The following MPPED1 variants were observed in gnomAD, a reference collection of about 807,000 sequenced individuals.
MPPED1 encodes the protein metallophosphoesterase domain-containing protein 1.
MPPED1 carries 16 observed loss-of-function variants against 36.2 expected under a neutral mutation model. The ratio of observed to expected loss-of-function variants is 0.44; its 90% CI spans 0.30 to 0.67. The LOEUF is 0.67. MPPED1 is among the 30% of genes least tolerant of loss of function. The pLI, the probability that MPPED1 is intolerant of heterozygous loss-of-function variation, is 0.10. For synonymous variants in MPPED1, 199 were observed against 191.3 expected (o/e 1.04, Z -0.33); for missense variants, 307 against 453.4 (o/e 0.68, Z 2.93).
chr22:43,468,978 C>T (rs987648434), intron 3 of MPPED1, among the ~76,000 whole-genome samples: 1 of 152,210 alleles, frequency 6.6e-6, no homozygotes, highest in African/African-American at 2.4e-5. Flanking sequence ...TGCTGTCCAC[C>T]GTGCCCAGCC....
chr22:43,460,231 A>G (rs1391152410), intron 3 of MPPED1, among the ~76,000 whole-genome samples: 1 of 118,736 alleles, frequency 8.4e-6, no homozygotes, highest in Non-Finnish European at 1.8e-5. Flanking sequence ...AAACAAAAAC[A>G]AAAACAAAAA....
At chr22:43,426,145 C>T (rs1215288854) in intron 2 of MPPED1, among the ~76,000 whole-genome samples, 2 of 152,210 alleles carry the variant, frequency 1.3e-5, no homozygotes, top group African/African-American at 2.4e-5. Flanking sequence ...AGGTGCCCCA[C>T]CCTGCTGGCA....
At chr22:43,479,667 T>C (rs1931688772) in intron 4 of MPPED1, among the ~76,000 whole-genome samples, 1 of 152,182 alleles carries the variant, frequency 6.6e-6, no homozygotes, top group African/African-American at 2.4e-5. Context: ...TGGCTGGAAA[T>C]TCCCCCTTAA....
At chr22:43,467,135 G>C (rs1931200454) in intron 3 of MPPED1, among the ~76,000 whole-genome samples, 1 of 152,190 alleles carries the variant, frequency 6.6e-6, no homozygotes, top group Non-Finnish European at 1.5e-5. Context: ...GGGAAGTGAG[G>C]GTTCTCATTC....
chr22:43,504,756 T>C (rs1388953172), intron 6 of MPPED1, among the ~76,000 whole-genome samples: 1 of 147,618 alleles, frequency 6.8e-6, no homozygotes, highest in Non-Finnish European at 1.5e-5. Context: ...TGATGTTGAT[T>C]GTGGTAGTGA....
intron 3 of MPPED1, among the ~76,000 whole-genome samples, chr22:43,451,226 C>G (rs1365915769): frequency 6.6e-6 from 1 of 152,074 alleles, no homozygotes; most frequent in East Asian, 1.9e-4. Context: ...AGGATGGTCT[C>G]AATCTCTTGA....
chr22:43,437,833 G>T (rs919759215), intron 3 of MPPED1, among the ~76,000 whole-genome samples: 5 of 152,200 alleles, frequency 3.3e-5, no homozygotes, highest in Admixed American at 2.0e-4. Flanking sequence ...GGGCTCCCCT[G>T]GGTAGGGGTG....
At chr22:43,486,612 G>A (rs1931919038) in intron 4 of MPPED1, among the ~76,000 whole-genome samples, 1 of 152,100 alleles carries the variant, frequency 6.6e-6, no homozygotes, top group Admixed American at 6.5e-5. Context: ...GGAATACCTG[G>A]CTGCTGGCAG....
At chr22:43,415,873 G>A (rs1239993432) in intron 1 of MPPED1, among the ~76,000 whole-genome samples, 1 of 152,182 alleles carries the variant, frequency 6.6e-6, no homozygotes, top group Non-Finnish European at 1.5e-5. Context: ...GCTCAGCGTT[G>A]ATGCACACGA....
chr22:43,500,149 G>A (rs1169289312), intron 5 of MPPED1, among the ~76,000 whole-genome samples: 128 of 56,708 alleles, frequency 2.3e-3, no homozygotes, highest in Non-Finnish European at 2.5e-3. Flanking sequence ...GAGGTGGTGG[G>A]GGTGGTGGTG....
At chr22:43,414,358 C>T (rs938292354) in intron 1 of MPPED1, among the ~76,000 whole-genome samples, 4 of 152,072 alleles carry the variant, frequency 2.6e-5, no homozygotes, top group African/African-American at 9.7e-5. Flanking sequence ...TGAGGAATGA[C>T]GGTGGTCGCT....
At chr22:43,453,834 T>C (rs1930659166) in intron 3 of MPPED1, among the ~76,000 whole-genome samples, 1 of 152,152 alleles carries the variant, frequency 6.6e-6, no homozygotes, top group African/African-American at 2.4e-5. Flanking sequence ...TAAAAGTGTA[T>C]AGTTCAGTGG....
At chr22:43,447,775 C>G (rs1930395636) in intron 3 of MPPED1, among the ~76,000 whole-genome samples, 1 of 146,364 alleles carries the variant, frequency 6.8e-6, no homozygotes, top group Non-Finnish European at 1.5e-5. Context: ...TCTCTGTTCT[C>G]CCGAGGACTC....
At chr22:43,444,546 G>T (rs1172820271) in intron 3 of MPPED1, among the ~76,000 whole-genome samples, 1 of 151,498 alleles carries the variant, frequency 6.6e-6, no homozygotes, top group East Asian at 1.9e-4. Context: ...TATTTTTTGT[G>T]GAAACGGGGT....
chr22:43,417,524 C>T (rs545139799), intron 1 of MPPED1: 2 of 145,580 alleles, frequency 1.4e-5, no homozygotes, highest in East Asian at 4.1e-4. Context: ...AGAGGCAAAA[C>T]AAGGAAAGAA....
At chr22:43,421,101 G>A (rs1439291794) in intron 1 of MPPED1, among the ~76,000 whole-genome samples, 1 of 152,314 alleles carries the variant, frequency 6.6e-6, no homozygotes, top group African/African-American at 2.4e-5. Context: ...GGCGGGTCCC[G>A]GGGCACCACT....
intron 1 of MPPED1, chr22:43,416,482 C>T (rs1162908426): frequency 2.0e-5 from 3 of 152,240 alleles, no homozygotes; most frequent in Non-Finnish European, 2.9e-5. Context: ...TGAGCAACCA[C>T]AGCCCTCTAG....
chr22:43,423,128 C>T lies in MPPED1; in HGVS notation c.-78-1780C>T, dbSNP rs1025170548. ...CTGGGATTACGGGTGTGAGCCACTGCACCGGGCCTCAAATCCATCTTCTAG... is the reference window on the plus strand; with the variant it reads ...CTGGGATTACGGGTGTGAGCCACTGTACCGGGCCTCAAATCCATCTTCTAG... On this transcript the variant is annotated intron_variant, in intron 1 of 6. Transcript: ENST00000443721. 1.4e-4 allele frequency among the ~76,000 whole-genome samples: 21 copies of T among 152,204 alleles called. 1 individual carries two copies. Among genetic ancestry groups the T allele is most frequent in the African/African-American group, 5.1e-4 (21 of 41,452 alleles).
chr22:43,416,168 G>C (rs916008028), intron 1 of MPPED1, among the ~76,000 whole-genome samples: 1 of 152,164 alleles, frequency 6.6e-6, no homozygotes, highest in African/African-American at 2.4e-5. Flanking sequence ...TTCTGCCCTG[G>C]GTTCCCTGCA....
Sources: allele counts gnomAD v4.1 joint callset (sites outside exome capture counted in the v4.1 genomes callset), GRCh38; gene constraint gnomAD v4.1.1; transcripts MANE v1.5; gene names NCBI Gene and HGNC (gene_info 2026-07-23, HGNC 2026-07-21).